The following CA10 variants were observed in gnomAD, a reference collection of about 807,000 sequenced individuals.
CA10 encodes carbonic anhydrase 10 (inactive).
Under a neutral mutation model 44.2 loss-of-function variants are expected in CA10, and 14 were observed. That is an observed-to-expected ratio of 0.32 (90% confidence interval 0.21 to 0.50). The LOEUF is 0.50. CA10 is among the 20% of genes least tolerant of loss of function. CA10 has a pLI of 0.99. For synonymous variants in CA10, 159 were observed against 141.6 expected (o/e 1.12, Z -0.87); for missense variants, 350 against 409.7 (o/e 0.85, Z 1.26).
intron 2 of CA10, among the ~76,000 whole-genome samples, chr17:52,036,591 G>A (rs904491761): frequency 1.2e-4 from 18 of 152,160 alleles, no homozygotes; most frequent in Admixed American, 2.0e-4. Flanking sequence ...AACAGATTGT[G>A]TAAGGCATAA....
intron 1 of CA10, among the ~76,000 whole-genome samples, chr17:52,137,039 C>A (rs2143369542): frequency 6.6e-6 from 1 of 151,622 alleles, no homozygotes; most frequent in East Asian, 1.9e-4. Flanking sequence ...TTCTGTATTT[C>A]TATAGCTCAT....
intron 2 of CA10, among the ~76,000 whole-genome samples, chr17:51,944,645 T>G (rs1195570244): frequency 6.6e-6 from 1 of 152,120 alleles, no homozygotes. Flanking sequence ...AATTTTTATA[T>G]ATAGTCTCAA....
chr17:52,010,798 T>C (rs1329706905), intron 2 of CA10, among the ~76,000 whole-genome samples: 1 of 131,954 alleles, frequency 7.6e-6, no homozygotes, highest in African/African-American at 2.5e-5. Context: ...GAAAAATGCA[T>C]GTTAGTGCTG....
chr17:51,973,306 A>G (rs1984347958), intron 2 of CA10, among the ~76,000 whole-genome samples: 1 of 152,190 alleles, frequency 6.6e-6, no homozygotes, highest in South Asian at 2.1e-4. Context: ...AAGGAGGAGC[A>G]TTCTCAGCTG....
At chr17:51,928,832 A>T (rs1982534569) in intron 3 of CA10, among the ~76,000 whole-genome samples, 1 of 152,178 alleles carries the variant, frequency 6.6e-6, no homozygotes, top group South Asian at 2.1e-4. Context: ...TGTGATACAA[A>T]CATGATTTAC....
At chr17:52,125,030 A>G (rs1989089899) in intron 1 of CA10, among the ~76,000 whole-genome samples, 1 of 152,100 alleles carries the variant, frequency 6.6e-6, no homozygotes, top group South Asian at 2.1e-4. Context: ...TCACATACAC[A>G]TCACTGTCTG....
intron 3 of CA10, among the ~76,000 whole-genome samples, chr17:51,829,098 TTA>T (rs1908135650): frequency 6.6e-6 from 1 of 152,148 alleles, no homozygotes; most frequent in Admixed American, 6.5e-5. Flanking sequence ...TGTCATATTT[TTA>T]AGGGATAAAA....
intron 1 of CA10, among the ~76,000 whole-genome samples, chr17:52,129,632 G>T (rs189900907): frequency 2.5e-4 from 38 of 152,246 alleles, no homozygotes; most frequent in Admixed American, 2.4e-3. Context: ...AGCTGAGAAC[G>T]TACATAGTAC....
intron 2 of CA10, among the ~76,000 whole-genome samples, chr17:51,983,091 ATT>A (rs11479075): frequency 6.6e-6 from 1 of 151,174 alleles, no homozygotes; most frequent in African/African-American, 2.4e-5. Flanking sequence ...TTTATAGGAA[ATT>A]TTTTTTTATA....
intron 3 of CA10, among the ~76,000 whole-genome samples, chr17:51,754,408 T>G (rs1345474971): frequency 3.1e-3 from 127 of 40,560 alleles, no homozygotes; most frequent in Non-Finnish European, 5.0e-3. Flanking sequence ...GTGATATATA[T>G]ATATATATAT....
chr17:52,066,533 G>T (rs541682737), intron 2 of CA10, among the ~76,000 whole-genome samples: 1 of 152,236 alleles, frequency 6.6e-6, no homozygotes, highest in African/African-American at 2.4e-5. Flanking sequence ...TTTTATAGAC[G>T]GGAGTTCCTC....
At chr17:51,946,120 G>T (rs1983263430) in intron 2 of CA10, among the ~76,000 whole-genome samples, 1 of 152,166 alleles carries the variant, frequency 6.6e-6, no homozygotes, top group Non-Finnish European at 1.5e-5. Context: ...CAGAAGCAGA[G>T]AACAGAATGG....
At chr17:51,821,106 T>C (rs1197823578) in intron 3 of CA10, among the ~76,000 whole-genome samples, 1 of 119,772 alleles carries the variant, frequency 8.3e-6, no homozygotes, top group Non-Finnish European at 1.7e-5. Context: ...CCTTCCTTCC[T>C]TCCTTTCCTT....
intron 4 of CA10, among the ~76,000 whole-genome samples, chr17:51,654,087 T>G (rs1372999701): frequency 6.6e-6 from 1 of 152,216 alleles, no homozygotes; most frequent in East Asian, 1.9e-4. Context: ...GGGTGGATGT[T>G]GTGTCCCTGC....
rs551228057 is a variant in CA10 at position 52,155,474 on chromosome 17, G to C, written c.61+2252C>G. 7.2e-5 allele frequency among the ~76,000 whole-genome samples: 11 copies of C among 152,266 alleles called. No homozygotes were observed. In the South Asian group the frequency reaches 2.3e-3, roughly 32 times the overall value. ...AAGGCTGCCAGATGGAAAAAGAATG[G>C]AGTCTGAGTCTCCCAAACTGTAGCA... is the stretch of plus-strand genomic sequence containing the variant. On this transcript the variant is annotated intron_variant, in intron 1 of 8. Coordinates refer to ENST00000451037, the MANE Select transcript of CA10 (RefSeq NM_020178.5).
At chr17:51,922,183 A>T (rs1439903200) in intron 3 of CA10, among the ~76,000 whole-genome samples, 2 of 152,186 alleles carry the variant, frequency 1.3e-5, no homozygotes, top group African/African-American at 2.4e-5. Context: ...AGGTAGAATG[A>T]TGATGCTCCT....
At chr17:51,891,209 A>C (rs1374372585) in intron 3 of CA10, among the ~76,000 whole-genome samples, 1 of 152,104 alleles carries the variant, frequency 6.6e-6, no homozygotes, top group East Asian at 1.9e-4. Context: ...GTGGGGACTG[A>C]GGTGGTGTGT....
chr17:51,695,360 A>T (rs1005830630), intron 4 of CA10, among the ~76,000 whole-genome samples: 59 of 151,732 alleles, frequency 3.9e-4, no homozygotes, highest in African/African-American at 1.4e-3. Context: ...TTGTTTTTGT[A>T]ATTCTCCTTG....
chr17:51,993,910 T>C (rs976679334), intron 2 of CA10, among the ~76,000 whole-genome samples: 1 of 152,088 alleles, frequency 6.6e-6, no homozygotes, highest in African/African-American at 2.4e-5. Context: ...GATGCTGTGA[T>C]GGGTGCTGGC....
Sources: gnomAD v4.1 joint callset for allele counts (sites outside exome capture counted in the v4.1 genomes callset) on GRCh38, gnomAD v4.1.1 for gene constraint, MANE v1.5 for transcripts, NCBI Gene and HGNC (gene_info 2026-07-23, HGNC 2026-07-21) for gene names.